PDE1C: variants seen among roughly 807,000 people sequenced by gnomAD.
PDE1C encodes the protein phosphodiesterase 1C, also known as dual specificity calcium/calmodulin-dependent 3',5'-cyclic nucleotide phosphodiesterase 1C.
A neutral mutation model predicts 93.1 loss-of-function variants in PDE1C; 62 were observed. The observed-to-expected ratio is 0.67, with a 90% confidence interval of 0.54 to 0.82. The LOEUF (loss-of-function observed/expected upper bound fraction) is 0.82, where lower values mean the gene tolerates loss of function less well. PDE1C is among the 40% of genes least tolerant of loss of function. The probability of loss-of-function intolerance (pLI) is 0.00; values close to 1 mark genes in which losing one functional copy is unlikely to be tolerated. For missense variants in PDE1C, 742 were observed against 884.6 expected, an observed-to-expected ratio of 0.84 and a Z score of 2.04; for synonymous variants, 325 against 310.1, an observed-to-expected ratio of 1.05 and a Z score of -0.50.
In PDE1C at chr7:31,879,055, G is replaced by A. The variant is rs115957738; in HGVS notation, c.366C>T (p.Asp122=). Residue 122 remains aspartate, a synonymous_variant, in exon 4 of 18, where the codon GAC becomes GAT. Coordinates refer to ENST00000396191, the MANE Select transcript of PDE1C (RefSeq NM_001191057.4). ...RQMGMMLRRS[D]EKPRFKSIVH... ...CGATGCTCTTGAACCGGGGCTTCTC[G>A]TCGCTCCTCCTGAGCATCATCCCCA... The A allele has an allele frequency of 9.3e-4, 1,505 of 1,614,068 alleles. 9 individuals carry two copies. The African/African-American group carries it at 0.016, about 17-fold the overall frequency.
At chr7:31,867,475 G>A (rs1009168857) in intron 6 of PDE1C, among the ~76,000 whole-genome samples, 3 of 152,092 alleles carry the variant, frequency 2.0e-5, no homozygotes, top group African/African-American at 7.2e-5. Context: ...TCAAGCACCT[G>A]AGGTCAGGCC....
intron 16 of PDE1C, among the ~76,000 whole-genome samples, chr7:31,781,494 T>C (rs1783408112): frequency 6.6e-6 from 1 of 152,240 alleles, no homozygotes; most frequent in Non-Finnish European, 1.5e-5. Context: ...CTGATCATTA[T>C]TGCTGAGCAT....
At chr7:32,393,115 C>T (rs1241623672) in intron 1 of PDE1C, among the ~76,000 whole-genome samples, 5 of 150,030 alleles carry the variant, frequency 3.3e-5, no homozygotes, top group African/African-American at 9.7e-5. Context: ...AAAATTTCCT[C>T]ACCTTGCTGA....
Position 31,880,813 on chromosome 7 carries a change from A to G in PDE1C, c.176T>C (p.Val59Ala), listed in dbSNP as rs1459030722. Residue 59 changes from valine (V) to alanine (A), a missense_variant, in exon 3 of 18, where the codon GTA becomes GCA. Transcript: ENST00000396191. ...ATATTCCAAATTCTTCTTAAGATCT[A>G]CCACTGAAGCTTCCCCTCTCTCTAA... is the stretch of plus-strand genomic sequence containing the variant. ...KQLERGEASV[V>A]DLKKNLEYAA... The G allele has an allele frequency of 1.1e-5, 18 of 1,612,090 alleles. No homozygotes were observed. Among genetic ancestry groups the G allele is most frequent in the Non-Finnish European group, 1.5e-5 (18 of 1,178,402 alleles).
chr7:32,350,570 ATATATATATATATATATATAT>A (rs1402569253), intron 1 of PDE1C, among the ~76,000 whole-genome samples: 42 of 1,868 alleles, frequency 0.022, 8 homozygotes, highest in Admixed American at 0.028. Flanking sequence ...ATATATATAT[ATATATATATATATATATATAT>A]TTTTTTTTTT....
chr7:31,796,252 C>T (rs1005660097), intron 16 of PDE1C, among the ~76,000 whole-genome samples: 5 of 150,118 alleles, frequency 3.3e-5, no homozygotes, highest in African/African-American at 9.8e-5. Context: ...TCAGATATAT[C>T]ATATTGTATC....
intron 3 of PDE1C, among the ~76,000 whole-genome samples, chr7:32,086,705 T>G (rs1372093192): frequency 2.6e-5 from 4 of 152,120 alleles, no homozygotes; most frequent in Non-Finnish European, 5.9e-5. Context: ...ACACCGCATA[T>G]CTACAACTAT....
At chr7:32,114,871 C>T (rs996266444) in intron 3 of PDE1C, among the ~76,000 whole-genome samples, 1 of 152,192 alleles carries the variant, frequency 6.6e-6, no homozygotes, top group Non-Finnish European at 1.5e-5. Context: ...CAAAGCTCAA[C>T]ATCACTGATC....
At chr7:32,365,598 G>C (rs1393611625) in intron 1 of PDE1C, among the ~76,000 whole-genome samples, 1 of 152,150 alleles carries the variant, frequency 6.6e-6, no homozygotes, top group African/African-American at 2.4e-5. Flanking sequence ...TCCTGGGCCT[G>C]AGAAATAGCC....
chr7:32,136,163 A>G (rs1800195228), intron 3 of PDE1C, among the ~76,000 whole-genome samples: 1 of 152,158 alleles, frequency 6.6e-6, no homozygotes, highest in African/African-American at 2.4e-5. Flanking sequence ...ACTTTAAGTT[A>G]TAAGATGAAC....
chr7:31,670,011 G>A, the PDE1C span, among the ~76,000 whole-genome samples: 47 of 152,140 alleles, frequency 3.1e-4, no homozygotes, highest in South Asian at 4.2e-4. Flanking sequence ...CTTCCATCCC[G>A]TGACAGGTCC....
intron 2 of PDE1C, among the ~76,000 whole-genome samples, chr7:32,205,008 G>A (rs1805320452): frequency 6.6e-6 from 1 of 152,208 alleles, no homozygotes; most frequent in Admixed American, 6.5e-5. Context: ...AAAGAAAAAA[G>A]GGAAGAAGAG....
intron 2 of PDE1C, among the ~76,000 whole-genome samples, chr7:32,182,181 C>T (rs1274111714): frequency 2.0e-5 from 3 of 152,172 alleles, no homozygotes; most frequent in Admixed American, 1.3e-4. Context: ...CAAAAAAATT[C>T]CAGGACCAGA....
intron 3 of PDE1C, among the ~76,000 whole-genome samples, chr7:32,108,219 A>G (rs899322892): frequency 1.4e-5 from 2 of 147,916 alleles, no homozygotes; most frequent in Admixed American, 1.3e-4. Context: ...AGCATGGATA[A>G]AAAAGCAAGA....
intron 2 of PDE1C, among the ~76,000 whole-genome samples, chr7:32,012,201 C>G (rs1258833326): frequency 6.6e-6 from 1 of 152,140 alleles, no homozygotes; most frequent in Non-Finnish European, 1.5e-5. Context: ...AAGCATGACA[C>G]CAACACTGGC....
chr7:31,912,692 A>C (rs1432422377), intron 2 of PDE1C, among the ~76,000 whole-genome samples: 1 of 151,750 alleles, frequency 6.6e-6, no homozygotes, highest in Non-Finnish European at 1.5e-5. Flanking sequence ...GTCTCAAAAA[A>C]TATATATATA....
Position 31,954,325 on chromosome 7 carries a change from C to T in PDE1C, c.129-73465G>A, listed in dbSNP as rs927022722. On this transcript the variant is annotated intron_variant, in intron 2 of 17. Coordinates refer to ENST00000396191, the MANE Select transcript of PDE1C (RefSeq NM_001191057.4). ...GAGGCTGTAGCAGAAGGCAGTGCCA[C>T]AAAACAGAAAGAGCCTGAGTACCCA... Among the ~76,000 whole-genome samples the T allele has an allele frequency of 2.0e-5, 3 of 152,154 alleles. No individual in the cohort carries two copies. The East Asian group carries it at 5.8e-4, about 29-fold the overall frequency.
chr7:31,707,741 C>T, the PDE1C span: 3,607 of 158,022 alleles, frequency 0.023, 155 homozygotes, highest in African/African-American at 0.082. Context: ...TCTAACTCAC[C>T]GATTGCTTTG....
intron 1 of PDE1C, among the ~76,000 whole-genome samples, chr7:32,332,605 T>C (rs1783538656): frequency 6.6e-6 from 1 of 152,154 alleles, no homozygotes; most frequent in East Asian, 1.9e-4. Context: ...AGGGGCACTA[T>C]TCATAAGTCA....
Sources: allele counts gnomAD v4.1 joint callset (sites outside exome capture counted in the v4.1 genomes callset), GRCh38; gene constraint gnomAD v4.1.1; transcripts MANE v1.5; gene names NCBI Gene and HGNC (gene_info 2026-07-23, HGNC 2026-07-21).